Variants in FARP1 observed in about 807,000 individuals in gnomAD.
The protein encoded by FARP1 is FERM, ARH/RhoGEF and pleckstrin domain protein 1.
A neutral mutation model predicts 128.8 loss-of-function variants in FARP1; 52 were observed. The ratio of observed to expected loss-of-function variants is 0.40; its 90% CI spans 0.32 to 0.51. The LOEUF is 0.51. Among genes scored for constraint, FARP1 ranks in the 20% least tolerant of loss-of-function variants. The pLI, the probability that FARP1 is intolerant of heterozygous loss-of-function variation, is 0.45. For missense variants in FARP1, 1,333 were observed against 1,367.9 expected, an observed-to-expected ratio of 0.97 and a Z score of 0.40; for synonymous variants, 580 against 551.8, an observed-to-expected ratio of 1.05 and a Z score of -0.72.
At chr13:98,298,179 C>T (rs534618441) in intron 2 of FARP1, among the ~76,000 whole-genome samples, 46 of 152,334 alleles carry the variant, frequency 3.0e-4, no homozygotes, top group African/African-American at 1.1e-3. Flanking sequence ...CTCTATCAGG[C>T]ATTATGTGTA....
chr13:98,373,717 G>C (rs1336010040), intron 5 of FARP1, among the ~76,000 whole-genome samples: 1 of 152,084 alleles, frequency 6.6e-6, no homozygotes, highest in Non-Finnish European at 1.5e-5. Flanking sequence ...TGCTGCTGTG[G>C]TTTTTTAGTT....
intron 8 of FARP1, 52 bp from the exon 9 acceptor site, chr13:98,388,331 C>G (rs1446377356): frequency 1.4e-6 from 2 of 1,399,536 alleles, no homozygotes; most frequent in African/African-American, 2.8e-5. Flanking sequence ...GACCAACTCC[C>G]AAGTTGCTTG....
chr13:98,446,242 T>G, intron 25 of FARP1, 37 bp downstream of exon 25: 7 of 1,431,096 alleles, frequency 4.9e-6, no homozygotes, highest in Non-Finnish European at 6.9e-6. Context: ...CCCTGGGACC[T>G]TGGGGGTGGC....
chr13:98,409,215 T>A (rs1403950066), intron 13 of FARP1, 123 bp from the exon 14 acceptor site: 1 of 706,048 alleles, frequency 1.4e-6, no homozygotes, highest in Non-Finnish European at 2.3e-6. Flanking sequence ...AAGAATCGCT[T>A]TAGGTTTGCC....
At chr13:98,436,210 T>C (rs553061697) in intron 19 of FARP1, 5 of 219,784 alleles carry the variant, frequency 2.3e-5, no homozygotes, top group African/African-American at 1.2e-4. Flanking sequence ...CCAGGAGAGA[T>C]GCAAGTTCAC....
At chr13:98,239,307 G>C (rs1377483589) in intron 2 of FARP1, among the ~76,000 whole-genome samples, 1 of 152,122 alleles carries the variant, frequency 6.6e-6, no homozygotes, top group Non-Finnish European at 1.5e-5. Flanking sequence ...ATAAAAACTG[G>C]AGCCCACATC....
chr13:98,385,843 C>T (rs1041375244), intron 8 of FARP1, 29 bp downstream of exon 8: 1 of 1,609,700 alleles, frequency 6.2e-7, no homozygotes, highest in African/African-American at 1.3e-5. Flanking sequence ...CGGCCTGGTT[C>T]CCTTGGTGAC....
intron 1 of FARP1, among the ~76,000 whole-genome samples, chr13:98,166,724 CTTTTTTT>C (rs60609331): frequency 5.1e-5 from 7 of 137,150 alleles, no homozygotes; most frequent in Admixed American, 1.5e-4. Context: ...GTTTTTCTTT[CTTTTTTT>C]TTTTTTTTTG....
chr13:98,364,996 G>A (rs1199200233), intron 3 of FARP1, among the ~76,000 whole-genome samples: 1 of 152,186 alleles, frequency 6.6e-6, no homozygotes, highest in Non-Finnish European at 1.5e-5. Flanking sequence ...TCAAAGATGT[G>A]CTGTTCTAGA....
At chr13:98,274,213 T>C (rs1884525684) in intron 2 of FARP1, among the ~76,000 whole-genome samples, 1 of 151,920 alleles carries the variant, frequency 6.6e-6, no homozygotes. Flanking sequence ...TGAAAAGATT[T>C]GAAAAATGAT....
chr13:98,310,785 A>G (rs1886423630), intron 2 of FARP1, among the ~76,000 whole-genome samples: 1 of 151,126 alleles, frequency 6.6e-6, no homozygotes, highest in South Asian at 2.1e-4. Context: ...CAAATTGTTT[A>G]TTGAGATTTG....
At position 98,368,160 on chromosome 13, in the gene FARP1, G is replaced by T. The variant is rs764990954; in HGVS notation, c.363G>T (p.Pro121=). The change falls in exon 5 of 27, where the codon CCG becomes CCT. Residue 121 remains proline, a synonymous_variant. Transcript: ENST00000319562. Reference sequence around the variant, plus strand: ...TTAAGTTTGTGGTGAAATTCTTTCCGCCTGACCACACACAACTCCAAGAAG... The same window carrying T: ...TTAAGTTTGTGGTGAAATTCTTTCCTCCTGACCACACACAACTCCAAGAAG... ...VVVKFVVKFF[P]PDHTQLQEEL... is the part of the protein sequence containing the mutation. The T allele has an allele frequency of 3.1e-6, 5 of 1,613,782 alleles. No individual in the cohort carries two copies. In the South Asian group the frequency reaches 4.4e-5, roughly 14 times the overall value.
Position 98,446,711 on chromosome 13 carries a change from A to C in FARP1, c.2950A>C (p.Thr984Pro). The C allele has an allele frequency of 1.9e-6, 3 of 1,614,122 alleles. No homozygotes were observed. The highest frequency in any genetic ancestry group is 2.2e-5 in the East Asian group (1 of 44,858). ...CCTGCCTCTGCTCGGCTACTCGCTCACCATCCCCTCTGAGTCCGAGAACAT... is the reference window on the plus strand; with the variant it reads ...CCTGCCTCTGCTCGGCTACTCGCTCCCCATCCCCTCTGAGTCCGAGAACAT... ...ASLPLLGYSL[T>P]IPSESENIQK... Residue 984 changes from threonine (T) to proline (P), a missense_variant, in exon 26 of 27, where the codon ACC becomes CCC. Coordinates refer to ENST00000319562, the MANE Select transcript of FARP1 (RefSeq NM_005766.4).
intron 2 of FARP1, among the ~76,000 whole-genome samples, chr13:98,240,595 CATT>C (rs1173917698): frequency 1.3e-5 from 2 of 152,174 alleles, no homozygotes; most frequent in African/African-American, 4.8e-5. Flanking sequence ...AAAAAGAAAA[CATT>C]AGAGCTGAGA....
chr13:98,280,410 AT>A (rs1265374211), intron 2 of FARP1, among the ~76,000 whole-genome samples: 1 of 152,202 alleles, frequency 6.6e-6, no homozygotes, highest in African/African-American at 2.4e-5. Context: ...GCCAGGCTTC[AT>A]CCCAGGCTCA....
At chr13:98,296,986 A>G (rs757279517) in intron 2 of FARP1, among the ~76,000 whole-genome samples, 1 of 152,198 alleles carries the variant, frequency 6.6e-6, no homozygotes, top group Non-Finnish European at 1.5e-5. Context: ...TTTAAATGAC[A>G]CTGATTTAAA....
chr13:98,349,648 C>T (rs1013019258), intron 3 of FARP1, among the ~76,000 whole-genome samples: 3 of 123,572 alleles, frequency 2.4e-5, no homozygotes, highest in East Asian at 2.5e-4. Context: ...TCAAGCTTGG[C>T]GACAGAGCAA....
At chr13:98,420,715 G>T (rs1223530458) in intron 16 of FARP1, among the ~76,000 whole-genome samples, 1 of 152,206 alleles carries the variant, frequency 6.6e-6, no homozygotes, top group Non-Finnish European at 1.5e-5. Context: ...TAAATATGTG[G>T]CCCTGCCTTG....
At chr13:98,435,777 A>C (rs1443542179) in intron 19 of FARP1, 71 bp downstream of exon 19, 2 of 1,534,620 alleles carry the variant, frequency 1.3e-6, no homozygotes, top group South Asian at 2.2e-5. Flanking sequence ...CTTACATTTG[A>C]ACCTTTTGAA....
Sources: allele counts gnomAD v4.1 joint callset (sites outside exome capture counted in the v4.1 genomes callset), GRCh38; gene constraint gnomAD v4.1.1; transcripts MANE v1.5; gene names NCBI Gene and HGNC (gene_info 2026-07-23, HGNC 2026-07-21).